ANO10: variants seen among roughly 807,000 people sequenced by gnomAD.
ANO10 encodes anoctamin 10.
ANO10 carries 77 observed loss-of-function variants against 74.7 expected under a neutral mutation model. The ratio of observed to expected loss-of-function variants is 1.03; its 90% CI spans 0.86 to 1.25. The LOEUF is 1.25. Ranked by LOEUF, ANO10 falls within the 50% of genes most tolerant of loss-of-function variation. ANO10 has a pLI of 0.00. For synonymous variants in ANO10, 279 were observed against 284.9 expected (o/e 0.98, Z 0.21); for missense variants, 721 against 778.1 (o/e 0.93, Z 0.87).
At chr3:43,395,489 C>T (rs182102438) in intron 12 of ANO10, among the ~76,000 whole-genome samples, 161 of 152,220 alleles carry the variant, frequency 1.1e-3, no homozygotes, top group Middle Eastern at 6.8e-3. Context: ...GGTCCATGTT[C>T]ATTTTTTTGC....
intron 11 of ANO10, among the ~76,000 whole-genome samples, chr3:43,529,944 T>C (rs1304027902): frequency 6.6e-6 from 1 of 152,246 alleles, no homozygotes; most frequent in African/African-American, 2.4e-5. Context: ...GCATCTCAAT[T>C]AATGCAAATG....
At chr3:43,656,977 G>A (rs184214527) in intron 1 of ANO10, among the ~76,000 whole-genome samples, 45 of 152,370 alleles carry the variant, frequency 3.0e-4, no homozygotes, top group Admixed American at 1.2e-3. Context: ...CTGCCAGCAC[G>A]CTGTCACCTC....
intron 1 of ANO10, among the ~76,000 whole-genome samples, chr3:43,648,285 CAGGGAG>C (rs1251508192): frequency 6.6e-6 from 1 of 152,120 alleles, no homozygotes; most frequent in East Asian, 1.9e-4. Context: ...TGCCAATGGG[CAGGGAG>C]AAAGTGGCCC....
At chr3:43,372,801 G>T (rs1452387554) in intron 12 of ANO10, 1 of 1,531,126 alleles carries the variant, frequency 6.5e-7, no homozygotes, top group African/African-American at 1.4e-5. Context: ...CACTGAGTTG[G>T]TGCTCCATGA....
At chr3:43,485,013 T>A in intron 11 of ANO10, 1 of 1,467,948 alleles carries the variant, frequency 6.8e-7, no homozygotes, top group Middle Eastern at 2.4e-4. Context: ...AGGCGTGGCT[T>A]GTGCTGACGG....
chr3:43,628,483 G>C (rs574676617), intron 1 of ANO10, among the ~76,000 whole-genome samples: 1 of 152,262 alleles, frequency 6.6e-6, no homozygotes, highest in South Asian at 2.1e-4. Flanking sequence ...TAGAGCATAT[G>C]TGTTTAAACA....
chr3:43,573,560 G>C (rs1168525150), intron 7 of ANO10, among the ~76,000 whole-genome samples: 1 of 152,144 alleles, frequency 6.6e-6, no homozygotes, highest in Non-Finnish European at 1.5e-5. Flanking sequence ...AATTCCAGTT[G>C]AAAGTTCAGA....
intron 1 of ANO10, among the ~76,000 whole-genome samples, chr3:43,669,471 T>C (rs1038365086): frequency 6.6e-6 from 1 of 152,160 alleles, no homozygotes; most frequent in Non-Finnish European, 1.5e-5. Flanking sequence ...GTTCAGGTTT[T>C]CCTACTCTGA....
chr3:43,531,487 T>A (rs956739040), intron 11 of ANO10, among the ~76,000 whole-genome samples: 2 of 152,160 alleles, frequency 1.3e-5, no homozygotes, highest in Admixed American at 6.6e-5. Context: ...AAATATGAAA[T>A]GAAAAGCTAC....
intron 12 of ANO10, chr3:43,424,648 A>G (rs115185689): frequency 3.3e-5 from 5 of 152,322 alleles, no homozygotes; most frequent in African/African-American, 1.2e-4. Flanking sequence ...CTCTGATCCA[A>G]TTAGTCGGTA....
At chr3:43,677,985 T>C (rs2084144952) in intron 1 of ANO10, among the ~76,000 whole-genome samples, 2 of 152,194 alleles carry the variant, frequency 1.3e-5, no homozygotes, top group African/African-American at 4.8e-5. Flanking sequence ...AGGGGCCAAT[T>C]AATTAACTAC....
intron 11 of ANO10, among the ~76,000 whole-genome samples, chr3:43,462,547 T>C (rs2075425793): frequency 6.6e-6 from 1 of 152,154 alleles, no homozygotes. Flanking sequence ...CTCATTTTTA[T>C]AAGGGAAGCA....
intron 11 of ANO10, among the ~76,000 whole-genome samples, chr3:43,473,992 C>A (rs1187324370): frequency 6.6e-6 from 1 of 152,150 alleles, no homozygotes; most frequent in African/African-American, 2.4e-5. Flanking sequence ...TTCATTCCTC[C>A]CAGCCAGCAT....
intron 12 of ANO10, among the ~76,000 whole-genome samples, chr3:43,369,339 C>T (rs1249902968): frequency 2.0e-5 from 3 of 152,256 alleles, no homozygotes; most frequent in Non-Finnish European, 2.9e-5. Context: ...CACGAGGTCA[C>T]AAGGTCATCT....
At chr3:43,535,496 G>C (rs1164449551) in intron 11 of ANO10, among the ~76,000 whole-genome samples, 1 of 151,690 alleles carries the variant, frequency 6.6e-6, no homozygotes, top group Non-Finnish European at 1.5e-5. Flanking sequence ...GAATGGTCTC[G>C]ATCTCTTGAC....
chr3:43,464,497 T>C (rs141728257), intron 11 of ANO10, among the ~76,000 whole-genome samples: 35 of 152,208 alleles, frequency 2.3e-4, no homozygotes, highest in East Asian at 1.9e-4. Flanking sequence ...CTGGTCAACA[T>C]AGCAAGACCC....
intron 4 of ANO10, among the ~76,000 whole-genome samples, chr3:43,597,312 C>T (rs537840636): frequency 9.2e-5 from 14 of 152,280 alleles, no homozygotes; most frequent in African/African-American, 3.4e-4. Context: ...CACATGCACA[C>T]GTATGTTTAT....
chr3:43,367,183 A>G (rs1458612866), intron 12 of ANO10, among the ~76,000 whole-genome samples: 1 of 152,138 alleles, frequency 6.6e-6, no homozygotes, highest in Non-Finnish European at 1.5e-5. Flanking sequence ...GCACTGTGTG[A>G]GCCCAGACCA....
intron 11 of ANO10, among the ~76,000 whole-genome samples, chr3:43,519,015 C>T (rs929546765): frequency 1.3e-5 from 2 of 152,136 alleles, no homozygotes; most frequent in African/African-American, 4.8e-5. Context: ...TAAAAACTTG[C>T]TGGTTTTGCG....
Sources: allele counts gnomAD v4.1 joint callset (sites outside exome capture counted in the v4.1 genomes callset), GRCh38; gene constraint gnomAD v4.1.1; transcripts MANE v1.5; gene names NCBI Gene and HGNC (gene_info 2026-07-23, HGNC 2026-07-21).